PCDHA4: variants seen among roughly 807,000 people sequenced by gnomAD.
PCDHA4 encodes protocadherin alpha-4.
Under a neutral mutation model 61.4 loss-of-function variants are expected in PCDHA4, and 49 were observed. The ratio of observed to expected loss-of-function variants is 0.80; its 90% CI spans 0.63 to 1.01. PCDHA4 has a LOEUF of 1.01. Among genes scored for constraint, PCDHA4 ranks in the 50% least tolerant of loss-of-function variants. PCDHA4 has a pLI of 0.00. For missense variants in PCDHA4, 1,254 were observed against 1,235.8 expected, an observed-to-expected ratio of 1.01 and a Z score of -0.22; for synonymous variants, 590 against 550.3, an observed-to-expected ratio of 1.07 and a Z score of -1.01.
intron 1 of PCDHA4, among the ~76,000 whole-genome samples, chr5:140,932,585 T>C (rs1275216145): frequency 6.6e-6 from 1 of 151,944 alleles, no homozygotes; most frequent in Non-Finnish European, 1.5e-5. Flanking sequence ...GGTAATTAGA[T>C]GTTTTGTATA....
chr5:140,912,380 G>T (rs2075901164), intron 1 of PCDHA4, among the ~76,000 whole-genome samples: 1 of 150,372 alleles, frequency 6.7e-6, no homozygotes, highest in African/African-American at 2.4e-5. Flanking sequence ...AAAAGGGATT[G>T]AGTTCTTAAT....
chr5:141,008,040 T>C (rs1408807855), intron 3 of PCDHA4, among the ~76,000 whole-genome samples: 1 of 152,200 alleles, frequency 6.6e-6, no homozygotes, highest in Admixed American at 6.5e-5. Context: ...ATCTGCCTTT[T>C]GTAACAGGGG....
intron 3 of PCDHA4, among the ~76,000 whole-genome samples, chr5:140,996,644 A>G (rs2097736322): frequency 6.6e-6 from 1 of 152,144 alleles, no homozygotes; most frequent in Non-Finnish European, 1.5e-5. Flanking sequence ...TATGTAGTTA[A>G]TCCTGGGTGC....
chr5:140,997,814 T>C (rs2097786801), intron 3 of PCDHA4, among the ~76,000 whole-genome samples: 1 of 152,212 alleles, frequency 6.6e-6, no homozygotes, highest in Admixed American at 6.5e-5. Context: ...GCTGTTGGTA[T>C]CTATGTTTTC....
At position 140,928,807 on chromosome 5, in the gene PCDHA4, C is replaced by T. The variant is rs782261335; in HGVS notation, c.2386-50142C>T. 6.2e-6 allele frequency: 10 copies of T among 1,614,094 alleles called. No homozygotes were observed. Among genetic ancestry groups the T allele is most frequent in the Non-Finnish European group, 8.5e-6 (10 of 1,180,020 alleles). On this transcript the variant is annotated intron_variant, in intron 1 of 3. Coordinates refer to ENST00000530339, the MANE Select transcript of PCDHA4 (RefSeq NM_018907.4). ...TAAGCAGAGGGTGGTGGTAGTGGTT[C>T]GGGACCATGGAGACCCACCACTTTC...
chr5:140,993,996 G>T (rs1163632974), intron 3 of PCDHA4, among the ~76,000 whole-genome samples: 1 of 152,148 alleles, frequency 6.6e-6, no homozygotes, highest in Non-Finnish European at 1.5e-5. Flanking sequence ...CTTAGGTCAG[G>T]CCAGGCTCTG....
intron 1 of PCDHA4, chr5:140,856,310 C>A: frequency 1.3e-6 from 2 of 1,598,548 alleles, no homozygotes; most frequent in Non-Finnish European, 1.7e-6. Context: ...TGTGAATTCT[C>A]GGATTGACCG....
At chr5:140,837,739 G>A (rs1207886086) in intron 1 of PCDHA4, among the ~76,000 whole-genome samples, 2 of 151,316 alleles carry the variant, frequency 1.3e-5, no homozygotes, top group Non-Finnish European at 2.9e-5. Flanking sequence ...TGCAGTGGTG[G>A]GATTATAGCC....
intron 3 of PCDHA4, among the ~76,000 whole-genome samples, chr5:140,997,565 A>G (rs552009994): frequency 6.6e-6 from 1 of 152,292 alleles, no homozygotes; most frequent in South Asian, 2.1e-4. Flanking sequence ...CAACTGTCAT[A>G]TGTGTGGTCC....
intron 1 of PCDHA4, chr5:140,850,398 C>G: frequency 1.9e-6 from 3 of 1,597,938 alleles, no homozygotes; most frequent in Non-Finnish European, 1.7e-6. Context: ...CAGCACAACG[C>G]GTGCCCTGGA....
intron 1 of PCDHA4, chr5:140,842,147 G>A: frequency 6.2e-7 from 1 of 1,613,842 alleles, no homozygotes; most frequent in Non-Finnish European, 8.5e-7. Flanking sequence ...AGCCAATGGG[G>A]CAATTTCATA....
chr5:140,848,807 C>G, intron 1 of PCDHA4: 1 of 1,591,972 alleles, frequency 6.3e-7, no homozygotes, highest in East Asian at 2.2e-5. Context: ...AGTGCAGCAT[C>G]CACCTGGAGG....
At chr5:140,942,109 A>G (rs534603504) in intron 1 of PCDHA4, among the ~76,000 whole-genome samples, 55 of 152,334 alleles carry the variant, frequency 3.6e-4, no homozygotes, top group African/African-American at 1.3e-3. Flanking sequence ...CATATAATCA[A>G]ACTTTATTAA....
intron 1 of PCDHA4, chr5:140,863,626 A>G (rs2048099492): frequency 3.1e-6 from 1 of 320,146 alleles, no homozygotes; most frequent in African/African-American, 2.2e-5. Context: ...AGTGACATTG[A>G]TAATGTTCAC....
chr5:140,857,735 G>C (rs782288464), intron 1 of PCDHA4: 8 of 1,597,222 alleles, frequency 5.0e-6, no homozygotes, highest in South Asian at 1.1e-5. Flanking sequence ...CAACGCTCCC[G>C]CGCTGCTGGC....
chr5:140,932,704 A>G (rs1365268266), intron 1 of PCDHA4, among the ~76,000 whole-genome samples: 1 of 151,932 alleles, frequency 6.6e-6, no homozygotes, highest in Non-Finnish European at 1.5e-5. Context: ...ACTCATATAG[A>G]CAACACAATA....
rs371505360 is a variant in PCDHA4, at chr5:140,882,840, C to T, written c.2385+73268C>T. 3.2e-5 allele frequency: 51 copies of T among 1,614,214 alleles called. 1 individual carries two copies. The African/African-American group carries it at 5.6e-4, about 18-fold the overall frequency. ...CAAAACAGTCTTGAGCAAATGTCTTCATTATCACTTGTACTGAGGAAAACA... is the reference window on the plus strand; with the variant it reads ...CAAAACAGTCTTGAGCAAATGTCTTTATTATCACTTGTACTGAGGAAAACA... On this transcript the variant is annotated intron_variant, in intron 1 of 3. Transcript: ENST00000530339.
At chr5:140,859,607 C>G (rs1218189350) in intron 1 of PCDHA4, 2 of 161,864 alleles carry the variant, frequency 1.2e-5, no homozygotes, top group Non-Finnish European at 2.7e-5. Flanking sequence ...TTACTTTTTT[C>G]TTTCCTTTCT....
chr5:140,821,837 C>A, intron 1 of PCDHA4: 3 of 1,614,154 alleles, frequency 1.9e-6, no homozygotes, highest in Non-Finnish European at 8.5e-7. Flanking sequence ...CTTCTCCTTG[C>A]CTACTGGAAG....
Sources: gnomAD v4.1 joint callset for allele counts (sites outside exome capture counted in the v4.1 genomes callset) on GRCh38, gnomAD v4.1.1 for gene constraint, MANE v1.5 for transcripts, NCBI Gene and HGNC (gene_info 2026-07-23, HGNC 2026-07-21) for gene names.